The following TENM2 variants were observed in gnomAD, a reference collection of about 807,000 sequenced individuals.
TENM2 encodes the protein teneurin transmembrane protein 2, also known as teneurin-2.
A neutral mutation model predicts 245.2 loss-of-function variants in TENM2; 52 were observed. That is an observed-to-expected ratio of 0.21 (90% confidence interval 0.17 to 0.27). The LOEUF is 0.27. TENM2 is among the 10% of genes least tolerant of loss of function. TENM2 has a pLI of 1.00. For synonymous variants in TENM2, 1,363 were observed against 1,438.9 expected (o/e 0.95, Z 1.19); for missense variants, 3,046 against 3,666.8 (o/e 0.83, Z 4.37).
At position 168,150,543 on chromosome 5, in the gene TENM2, C is replaced by T. The variant is rs143724108; in HGVS notation, c.2423-12068C>T. ...GTTTCTGTTAACAGAGTGGATCAAG[C>T]TCTAGACTGACTCCGTCACACTACC... is the stretch of plus-strand genomic sequence containing the variant. On this transcript the variant is annotated intron_variant, in intron 12 of 28. Coordinates refer to ENST00000518659, the Ensembl canonical transcript of TENM2. Among the ~76,000 whole-genome samples the T allele has an allele frequency of 5.4e-3, 826 of 152,126 alleles. 8 individuals carry two copies. The highest frequency in any genetic ancestry group is 0.019 in the African/African-American group (789 of 41,556).
At chr5:168,195,067 C>G in intron 14 of TENM2, 109 bp from the exon 17 acceptor site, 2 of 1,299,084 alleles carry the variant, frequency 1.5e-6, no homozygotes, top group African/African-American at 1.5e-5. Flanking sequence ...ATGTTGAAAG[C>G]CTTCTCCTTG....
At chr5:167,706,572 T>C (rs1005459207) in intron 2 of TENM2, among the ~76,000 whole-genome samples, 2 of 151,986 alleles carry the variant, frequency 1.3e-5, no homozygotes, top group Admixed American at 1.3e-4. Flanking sequence ...CACAAATATC[T>C]CTTTAAGAGC....
At chr5:167,915,741 A>C (rs1776888788) in intron 3 of TENM2, among the ~76,000 whole-genome samples, 2 of 152,234 alleles carry the variant, frequency 1.3e-5, no homozygotes, top group South Asian at 4.1e-4. Flanking sequence ...TGTATTAACA[A>C]GAAAGATGAT....
the TENM2 span, among the ~76,000 whole-genome samples, chr5:167,034,500 G>A: frequency 6.6e-6 from 1 of 151,578 alleles, no homozygotes; most frequent in Non-Finnish European, 1.5e-5. Context: ...CGTGGTGGCG[G>A]GCGCCTGTAG....
At chr5:167,935,572 T>C (rs1318871003) in intron 3 of TENM2, among the ~76,000 whole-genome samples, 2 of 152,136 alleles carry the variant, frequency 1.3e-5, no homozygotes, top group Non-Finnish European at 2.9e-5. Flanking sequence ...AGGAGAGTAA[T>C]GAACGAGAGT....
intron 25 of TENM2, among the ~76,000 whole-genome samples, chr5:168,238,508 G>A (rs577712033): frequency 2.6e-5 from 4 of 152,104 alleles, no homozygotes; most frequent in Non-Finnish European, 4.4e-5. Context: ...TCTTCTATAC[G>A]TCTAACTGAA....
At chr5:168,193,568 A>G (rs2152516184) in intron 14 of TENM2, among the ~76,000 whole-genome samples, 1 of 152,366 alleles carries the variant, frequency 6.6e-6, no homozygotes, top group South Asian at 2.1e-4. Flanking sequence ...GATAGAAATC[A>G]CAGGCAGCAC....
chr5:167,807,513 G>T (rs1766301436), intron 2 of TENM2, among the ~76,000 whole-genome samples: 1 of 152,048 alleles, frequency 6.6e-6, no homozygotes, highest in Non-Finnish European at 1.5e-5. Flanking sequence ...TCATGGGAAG[G>T]CTATGTAGCA....
chr5:167,353,711 T>G lies in TENM2; in HGVS notation c.227-21487T>G, dbSNP rs1044314838. On this transcript the variant is annotated intron_variant, in intron 1 of 28. Coordinates refer to ENST00000518659, the Ensembl canonical transcript of TENM2. ...TTTAGTAGAGACGGGGTTTCACCGT[T>G]TTAGCCGGGATGGTCTCGATCTCCT... Among the ~76,000 whole-genome samples the G allele has an allele frequency of 3.2e-4, 49 of 151,622 alleles. 1 individual carries two copies. Among genetic ancestry groups the G allele is most frequent in the Admixed American group, 7.9e-4 (12 of 15,228 alleles).
chr5:167,439,390 CT>C (rs1469467882), intron 2 of TENM2, among the ~76,000 whole-genome samples: 1 of 152,186 alleles, frequency 6.6e-6, no homozygotes, highest in Non-Finnish European at 1.5e-5. Context: ...GATTGAACAA[CT>C]GTTAAGGGCA....
In TENM2 at chr5:167,505,116, C is replaced by T. The variant is rs186983682; in HGVS notation, c.502+129643C>T. Among the ~76,000 whole-genome samples, 29 of 152,106 alleles carry T rather than the reference C, an allele frequency of 1.9e-4. 1 individual carries two copies. The highest frequency in any genetic ancestry group is 1.7e-3 in the Admixed American group (26 of 15,254). ...TATTCCATTAACATGGATGATTGAACGCTGCCTCAGTACCATTGTATTTGA... is the reference window on the plus strand; with the variant it reads ...TATTCCATTAACATGGATGATTGAATGCTGCCTCAGTACCATTGTATTTGA... On this transcript the variant is annotated intron_variant, in intron 2 of 28. Coordinates refer to ENST00000518659, the Ensembl canonical transcript of TENM2.
the TENM2 span, among the ~76,000 whole-genome samples, chr5:167,265,807 GTTAATC>G: frequency 6.6e-6 from 1 of 152,104 alleles, no homozygotes; most frequent in Non-Finnish European, 1.5e-5. Flanking sequence ...CCAGAAGACA[GTTAATC>G]TTAATTACTC....
At chr5:167,480,547 T>A (rs1202295543) in intron 2 of TENM2, among the ~76,000 whole-genome samples, 1 of 152,174 alleles carries the variant, frequency 6.6e-6, no homozygotes, top group Admixed American at 6.6e-5. Context: ...GCACCAAAGT[T>A]AGTGCTCTTA....
intron 13 of TENM2, among the ~76,000 whole-genome samples, chr5:168,168,863 C>T (rs896271311): frequency 9.2e-5 from 14 of 152,130 alleles, no homozygotes; most frequent in African/African-American, 3.4e-4. Flanking sequence ...ACTCATCCAT[C>T]CATCCATCCA....
chr5:167,067,186 CT>C, the TENM2 span, among the ~76,000 whole-genome samples: 5 of 152,210 alleles, frequency 3.3e-5, no homozygotes, highest in South Asian at 2.1e-4. Context: ...ATTTTAAAAA[CT>C]TCAGTAATTT....
intron 2 of TENM2, among the ~76,000 whole-genome samples, chr5:167,505,201 T>C (rs1769460510): frequency 6.6e-6 from 1 of 152,226 alleles, no homozygotes; most frequent in Admixed American, 6.5e-5. Context: ...GGTATCATTA[T>C]GTTTGATATT....
At chr5:167,204,281 G>T in the TENM2 span, among the ~76,000 whole-genome samples, 2 of 152,098 alleles carry the variant, frequency 1.3e-5, no homozygotes, top group South Asian at 2.1e-4. Flanking sequence ...TAATAATAAG[G>T]TCAATTAGAC....
chr5:167,387,433 T>C (rs141906897), intron 2 of TENM2, among the ~76,000 whole-genome samples: 2,488 of 152,174 alleles, frequency 0.016, 32 homozygotes, highest in Non-Finnish European at 0.022. Flanking sequence ...GTCTTTAGGG[T>C]TTTCTAGGTA....
the TENM2 span, among the ~76,000 whole-genome samples, chr5:166,988,129 G>A: frequency 6.6e-6 from 1 of 152,188 alleles, no homozygotes; most frequent in East Asian, 1.9e-4. Context: ...TAGCTTCCTA[G>A]ACTTGGCCAG....
Sources: allele counts gnomAD v4.1 joint callset (sites outside exome capture counted in the v4.1 genomes callset), GRCh38; gene constraint gnomAD v4.1.1; transcripts MANE v1.5; gene names NCBI Gene and HGNC (gene_info 2026-07-23, HGNC 2026-07-21).